TBC1D1: variants seen among roughly 807,000 people sequenced by gnomAD.
TBC1D1 encodes the protein TBC1 (tre-2/USP6, BUB2, cdc16) domain family, member 1.
TBC1D1 carries 89 observed loss-of-function variants against 125.6 expected under a neutral mutation model. That is an observed-to-expected ratio of 0.71 (90% confidence interval 0.60 to 0.85). The LOEUF is 0.85. Ranked by LOEUF, TBC1D1 falls within the 40% of genes least tolerant of loss-of-function variation. TBC1D1 has a pLI of 0.00. For missense variants in TBC1D1, 1,377 were observed against 1,469.2 expected (o/e 0.94, Z 1.03); for synonymous variants, 565 against 564.1 (o/e 1.00, Z -0.02).
chr4:37,929,166 CCAGA>C (rs1420214942), intron 2 of TBC1D1, among the ~76,000 whole-genome samples: 1 of 152,090 alleles, frequency 6.6e-6, no homozygotes, highest in Non-Finnish European at 1.5e-5. Context: ...TTAAGGGATG[CCAGA>C]CAGTTTTTCT....
chr4:38,075,341 C>T (rs1167553833), intron 12 of TBC1D1, among the ~76,000 whole-genome samples: 1 of 152,134 alleles, frequency 6.6e-6, no homozygotes, highest in African/African-American at 2.4e-5. Flanking sequence ...TTAACACAAA[C>T]CCGAGTTCCC....
chr4:38,045,315 T>C (rs1749190409), intron 9 of TBC1D1, among the ~76,000 whole-genome samples: 1 of 152,250 alleles, frequency 6.6e-6, no homozygotes, highest in East Asian at 1.9e-4. Flanking sequence ...TTTTATTTTT[T>C]AATTAAGGAA....
intron 2 of TBC1D1, among the ~76,000 whole-genome samples, chr4:37,963,197 A>G (rs74892062): frequency 6.6e-6 from 1 of 152,240 alleles, no homozygotes; most frequent in Non-Finnish European, 1.5e-5. Flanking sequence ...GCATCGCTAT[A>G]AAGAAATACC....
In TBC1D1 at chr4:37,993,233, G is replaced by A. The variant is rs574596934; in HGVS notation, c.418-21276G>A. Among the ~76,000 whole-genome samples the A allele has an allele frequency of 6.0e-5, 9 of 150,430 alleles. No homozygotes were observed. In the East Asian group the frequency reaches 1.7e-3, roughly 29 times the overall value. ...TAGATGCCATCCTGAGAGAGAGGGA[G>A]AGACAGAGAGAGAGAATCAGAACAC... On this transcript the variant is annotated intron_variant, in intron 2 of 19. Coordinates refer to ENST00000261439, the MANE Select transcript of TBC1D1 (RefSeq NM_015173.4).
At position 38,090,026 on chromosome 4, in the gene TBC1D1, G is replaced by A; in HGVS notation, c.2145G>A (p.Arg715=). 6.2e-7 allele frequency: 1 copy of A among 1,614,084 alleles called. No homozygotes were observed. The highest frequency in any genetic ancestry group is 8.5e-7 in the Non-Finnish European group (1 of 1,179,988). The stretch of plus-strand genomic sequence containing the variant: ...GCCCCCCACCAGAGGAAAAGAAAAG[G>A]ACATCTCGTGAGCTCCGAGAGCTGT... The change falls in exon 13 of 20, where the codon AGG becomes AGA. Residue 715 remains arginine (R), a synonymous_variant. Coordinates refer to ENST00000261439, the MANE Select transcript of TBC1D1 (RefSeq NM_015173.4).
intron 2 of TBC1D1, among the ~76,000 whole-genome samples, chr4:37,912,258 T>G (rs1353930927): frequency 6.6e-6 from 1 of 152,220 alleles, no homozygotes; most frequent in Non-Finnish European, 1.5e-5. Flanking sequence ...ATGTAATTTA[T>G]TTTCCATGGG....
chr4:37,933,176 C>A (rs1723649485), intron 2 of TBC1D1, among the ~76,000 whole-genome samples: 1 of 152,040 alleles, frequency 6.6e-6, no homozygotes, highest in Non-Finnish European at 1.5e-5. Context: ...AAAATTTCGA[C>A]CCTTTCAGTT....
Position 38,049,600 on chromosome 4 carries a change from CTG to C in TBC1D1, c.1630-12_1630-11del. 6.3e-7 allele frequency: 1 copy of C among 1,589,352 alleles called. No individual in the cohort carries two copies. Among genetic ancestry groups the C allele is most frequent in the Non-Finnish European group, 8.6e-7 (1 of 1,167,264 alleles). On this transcript the variant is annotated splice_polypyrimidine_tract_variant and intron_variant, in intron 10 of 19. Transcript: ENST00000261439. ...TATTCCCCATGGTGTGTCTGATCTG[CTG>C]TGTGTTTGCTCCCAGGAGCCATCTG...
chr4:38,118,580 G>T, intron 17 of TBC1D1: 1 of 165,532 alleles, frequency 6.0e-6, no homozygotes, highest in Non-Finnish European at 1.3e-5. Flanking sequence ...TGGGCCTCTG[G>T]GCCCTTTCTA....
intron 2 of TBC1D1, among the ~76,000 whole-genome samples, chr4:37,969,326 C>T (rs941877083): frequency 6.6e-6 from 1 of 152,190 alleles, no homozygotes; most frequent in African/African-American, 2.4e-5. Context: ...CTACTATAGG[C>T]CAGTGCTTTA....
At chr4:37,960,425 A>G (rs1729747789) in intron 2 of TBC1D1, 6 of 1,605,838 alleles carry the variant, frequency 3.7e-6, no homozygotes, top group Middle Eastern at 1.7e-4. Flanking sequence ...GAGAGCGGCA[A>G]TAATCCAGAA....
intron 2 of TBC1D1, among the ~76,000 whole-genome samples, chr4:37,921,109 C>CAAAAAAAA (rs1188232681): frequency 4.2e-5 from 3 of 71,986 alleles, no homozygotes; most frequent in Non-Finnish European, 7.7e-5. Context: ...GACTCCGTCT[C>CAAAAAAAA]AAAAAAAAAA....
At chr4:37,919,981 C>T (rs540715055) in intron 2 of TBC1D1, among the ~76,000 whole-genome samples, 1 of 151,996 alleles carries the variant, frequency 6.6e-6, no homozygotes, top group Non-Finnish European at 1.5e-5. Flanking sequence ...GGCGTGGTGG[C>T]GGGAGCCTGT....
intron 2 of TBC1D1, chr4:37,952,240 G>A (rs369238654): frequency 2.2e-5 from 13 of 579,516 alleles, no homozygotes; most frequent in East Asian, 1.1e-4. Context: ...GAGTCTGTGC[G>A]GAAATCACAG....
At chr4:38,055,958 G>C (rs1304143819) in intron 12 of TBC1D1, among the ~76,000 whole-genome samples, 1 of 152,160 alleles carries the variant, frequency 6.6e-6, no homozygotes. Context: ...TCGGTGTTGC[G>C]GTGGCCATAC....
At chr4:38,015,706 T>C (rs1364709973) in intron 3 of TBC1D1, among the ~76,000 whole-genome samples, 1 of 152,202 alleles carries the variant, frequency 6.6e-6, no homozygotes, top group Non-Finnish European at 1.5e-5. Flanking sequence ...TCTCTTTGGC[T>C]TAATGCTGAC....
chr4:38,044,952 A>G (rs1749109177), intron 9 of TBC1D1, among the ~76,000 whole-genome samples: 1 of 152,206 alleles, frequency 6.6e-6, no homozygotes, highest in Admixed American at 6.5e-5. Context: ...TTTTGTTGAA[A>G]CACCGCCACA....
chr4:38,093,522 C>T (rs968136821), intron 13 of TBC1D1, among the ~76,000 whole-genome samples: 1 of 149,450 alleles, frequency 6.7e-6, no homozygotes, highest in African/African-American at 2.5e-5. Flanking sequence ...GCCGTTTTCC[C>T]CCCCCTTTTT....
chr4:37,896,823 T>G (rs1454316303), intron 1 of TBC1D1, among the ~76,000 whole-genome samples: 1 of 151,852 alleles, frequency 6.6e-6, no homozygotes, highest in Non-Finnish European at 1.5e-5. Context: ...TTGTTAGCTT[T>G]AAAATTTTAT....
Sources: gnomAD v4.1 joint callset for allele counts (sites outside exome capture counted in the v4.1 genomes callset) on GRCh38, gnomAD v4.1.1 for gene constraint, MANE v1.5 for transcripts, NCBI Gene and HGNC (gene_info 2026-07-23, HGNC 2026-07-21) for gene names.